The following LRRC4C variants were observed in gnomAD, a reference collection of about 807,000 sequenced individuals.
LRRC4C encodes the protein leucine-rich repeat-containing protein 4C.
LRRC4C carries 5 observed loss-of-function variants against 33.6 expected under a neutral mutation model. The ratio of observed to expected loss-of-function variants is 0.15; its 90% CI spans 0.08 to 0.31. The LOEUF is 0.31. Among genes scored for constraint, LRRC4C ranks in the 10% least tolerant of loss-of-function variants. The pLI is 1.00. For missense variants in LRRC4C, 560 were observed against 796.7 expected, an observed-to-expected ratio of 0.70 and a Z score of 3.58; for synonymous variants, 329 against 302.0, an observed-to-expected ratio of 1.09 and a Z score of -0.93.
At chr11:40,946,257 G>T (rs979263897) in intron 1 of LRRC4C, among the ~76,000 whole-genome samples, 1 of 152,086 alleles carries the variant, frequency 6.6e-6, no homozygotes, top group Non-Finnish European at 1.5e-5. Context: ...TGGCTGCAAA[G>T]GACATAATTT....
intron 2 of LRRC4C, among the ~76,000 whole-genome samples, chr11:40,876,941 C>T (rs1448004548): frequency 6.7e-6 from 1 of 149,514 alleles, no homozygotes; most frequent in Non-Finnish European, 1.5e-5. Context: ...TAGCAGCTCT[C>T]ATAACTCAGA....
At chr11:41,183,057 C>A (rs1945525098) in intron 1 of LRRC4C, among the ~76,000 whole-genome samples, 1 of 151,960 alleles carries the variant, frequency 6.6e-6, no homozygotes, top group African/African-American at 2.4e-5. Flanking sequence ...ACAGAAAAGA[C>A]CCACCCCCAT....
At chr11:40,987,668 TATAAATG>T (rs1183230945) in intron 1 of LRRC4C, among the ~76,000 whole-genome samples, 17 of 28,808 alleles carry the variant, frequency 5.9e-4, no homozygotes, top group Admixed American at 1.6e-3. Flanking sequence ...ATATATGAGA[TATAAATG>T]ATATATATAT....
At chr11:40,759,349 T>A (rs1167978018) in intron 2 of LRRC4C, among the ~76,000 whole-genome samples, 1 of 150,900 alleles carries the variant, frequency 6.6e-6, no homozygotes, top group Non-Finnish European at 1.5e-5. Context: ...TTCACACATT[T>A]TTACCTCAGT....
chr11:41,304,933 C>T lies in LRRC4C; in HGVS notation c.-496+154498G>A, dbSNP rs1422471376. On this transcript the variant is annotated intron_variant, in intron 1 of 6. Transcript: ENST00000528697. ...AGGGAGGTGGGGGGGGGTCAGCCCA[C>T]CTGCTGGGCCAGCCGCCCCGTCCGG... Among the ~76,000 whole-genome samples, 34 of 126,152 alleles carry T rather than the reference C, an allele frequency of 2.7e-4. 1 individual carries two copies. The highest frequency in any genetic ancestry group is 9.3e-4 in the African/African-American group (32 of 34,386). The allele number at this position is 126,152 out of a possible 152,430, so 82.8% of individuals were successfully genotyped here. A position where few individuals can be genotyped will look rare whatever the true frequency, so the allele number is the denominator to read the frequency against.
intron 2 of LRRC4C, among the ~76,000 whole-genome samples, chr11:40,784,511 G>T (rs1565058254): frequency 6.6e-6 from 1 of 152,114 alleles, no homozygotes; most frequent in African/African-American, 2.4e-5. Context: ...ATTTAATCAA[G>T]CAATGATAGT....
intron 1 of LRRC4C, among the ~76,000 whole-genome samples, chr11:41,110,721 C>G (rs1402984904): frequency 6.6e-6 from 1 of 151,994 alleles, no homozygotes; most frequent in Admixed American, 6.6e-5. Flanking sequence ...CTCTTCTTGA[C>G]TCTTCAGTCA....
intron 2 of LRRC4C, among the ~76,000 whole-genome samples, chr11:40,805,523 T>A (rs2135329959): frequency 6.6e-6 from 1 of 152,318 alleles, no homozygotes; most frequent in Middle Eastern, 3.4e-3. Context: ...ACTATGTAAA[T>A]ATTCTAGTGA....
chr11:40,964,532 C>A (rs1851203029), intron 1 of LRRC4C, among the ~76,000 whole-genome samples: 1 of 125,778 alleles, frequency 8.0e-6, no homozygotes, highest in African/African-American at 3.0e-5. Context: ...CCCCCCACCC[C>A]ACAATAGTCC....
intron 1 of LRRC4C, among the ~76,000 whole-genome samples, chr11:41,267,951 T>A (rs1339010289): frequency 6.6e-6 from 1 of 152,134 alleles, no homozygotes; most frequent in Non-Finnish European, 1.5e-5. Flanking sequence ...CTTAAAACAC[T>A]TTGAGTACCC....
intron 1 of LRRC4C, among the ~76,000 whole-genome samples, chr11:41,255,013 G>A (rs1948754789): frequency 6.6e-6 from 1 of 151,948 alleles, no homozygotes; most frequent in African/African-American, 2.4e-5. Context: ...TGTTTAGTGT[G>A]CACAGAAAAC....
intron 1 of LRRC4C, among the ~76,000 whole-genome samples, chr11:41,345,918 T>G (rs1329057023): frequency 6.6e-6 from 1 of 152,140 alleles, no homozygotes; most frequent in African/African-American, 2.4e-5. Flanking sequence ...AACATTGAAT[T>G]AAAAAATGAA....
intron 3 of LRRC4C, among the ~76,000 whole-genome samples, chr11:40,372,800 A>G (rs1948506545): frequency 6.6e-6 from 1 of 152,212 alleles, no homozygotes; most frequent in Non-Finnish European, 1.5e-5. Flanking sequence ...GTCTCCAAAC[A>G]TTGCTGACCT....
At chr11:40,773,983 C>T (rs889094710) in intron 2 of LRRC4C, among the ~76,000 whole-genome samples, 2 of 152,174 alleles carry the variant, frequency 1.3e-5, no homozygotes, top group Non-Finnish European at 2.9e-5. Flanking sequence ...CAAAATAAAA[C>T]CCCATGCCCA....
intron 1 of LRRC4C, among the ~76,000 whole-genome samples, chr11:40,975,390 AC>A (rs1413208582): frequency 8.5e-5 from 13 of 152,112 alleles, no homozygotes; most frequent in Non-Finnish European, 1.6e-4. Flanking sequence ...TCTCTGGGGA[AC>A]CCTAATACAA....
intron 1 of LRRC4C, among the ~76,000 whole-genome samples, chr11:41,342,166 A>G (rs1462575125): frequency 6.6e-6 from 1 of 152,220 alleles, no homozygotes; most frequent in East Asian, 1.9e-4. Context: ...CATGAGTGAC[A>G]ACACTGCCTA....
intron 2 of LRRC4C, among the ~76,000 whole-genome samples, chr11:40,879,424 C>T (rs762991309): frequency 2.0e-5 from 3 of 151,980 alleles, no homozygotes; most frequent in African/African-American, 7.3e-5. Context: ...TTCTAACAGG[C>T]GACAGCAGAA....
intron 2 of LRRC4C, among the ~76,000 whole-genome samples, chr11:40,842,264 C>T (rs1234575633): frequency 6.6e-6 from 1 of 152,144 alleles, no homozygotes; most frequent in African/African-American, 2.4e-5. Context: ...CCCCATGCAG[C>T]TTCTGCCTCC....
At chr11:40,161,805 T>G (rs1859181443) in intron 5 of LRRC4C, among the ~76,000 whole-genome samples, 1 of 152,110 alleles carries the variant, frequency 6.6e-6, no homozygotes, top group Non-Finnish European at 1.5e-5. Flanking sequence ...TGTCATATAA[T>G]CTAGGAAAGT....
Sources: gnomAD v4.1 joint callset for allele counts (sites outside exome capture counted in the v4.1 genomes callset) on GRCh38, gnomAD v4.1.1 for gene constraint, MANE v1.5 for transcripts, NCBI Gene and HGNC (gene_info 2026-07-23, HGNC 2026-07-21) for gene names.